UBE2E1: variants seen among roughly 807,000 people sequenced by gnomAD.
UBE2E1 encodes ubiquitin-conjugating enzyme E2 E1.
Under a neutral mutation model 21.4 loss-of-function variants are expected in UBE2E1, and 6 were observed. The ratio of observed to expected loss-of-function variants is 0.28; its 90% CI spans 0.15 to 0.55. The LOEUF (loss-of-function observed/expected upper bound fraction) is 0.55. UBE2E1 is among the 20% of genes least tolerant of loss of function. UBE2E1 has a pLI of 0.93. For synonymous variants in UBE2E1, 87 were observed against 82.7 expected, an observed-to-expected ratio of 1.05 and a Z score of -0.28; for missense variants, 142 against 236.5, an observed-to-expected ratio of 0.60 and a Z score of 2.62.
chr3:23,888,239 C>T (rs893033370), intron 4 of UBE2E1: 1 of 457,034 alleles, frequency 2.2e-6, no homozygotes, highest in African/African-American at 2.0e-5. Context: ...TACCTCCAGG[C>T]CTCAGTTTTC....
chr3:23,835,931 G>A (rs935540859), intron 3 of UBE2E1, among the ~76,000 whole-genome samples: 3 of 152,190 alleles, frequency 2.0e-5, no homozygotes, highest in Admixed American at 2.0e-4. Flanking sequence ...GGCAGGGAGG[G>A]AAAGTTAGCA....
chr3:23,865,943 T>C (rs1700646832), intron 3 of UBE2E1, among the ~76,000 whole-genome samples: 1 of 152,098 alleles, frequency 6.6e-6, no homozygotes. Flanking sequence ...CATCTAGCCT[T>C]TTGAAAGCTA....
At chr3:23,880,788 G>C (rs971621483) in intron 3 of UBE2E1, among the ~76,000 whole-genome samples, 2 of 152,180 alleles carry the variant, frequency 1.3e-5, no homozygotes, top group African/African-American at 4.8e-5. Context: ...AGTTACCCTG[G>C]AAGATTTTAA....
intron 3 of UBE2E1, chr3:23,879,623 A>G (rs4858553): frequency 0.77 from 164,311 of 214,094 alleles, 63,696 homozygotes; most frequent in African/African-American, 0.86. Flanking sequence ...GTCTGTCCTA[A>G]CATCTGGGGA....
chr3:23,886,680 G>C (rs1013716297), intron 3 of UBE2E1, among the ~76,000 whole-genome samples: 3 of 152,164 alleles, frequency 2.0e-5, no homozygotes, highest in African/African-American at 7.2e-5. Flanking sequence ...GAAGGCATCA[G>C]ACTTTGTAAC....
chr3:23,815,087 C>T (rs1699486088), intron 3 of UBE2E1, among the ~76,000 whole-genome samples: 1 of 152,106 alleles, frequency 6.6e-6, no homozygotes, highest in African/African-American at 2.4e-5. Context: ...CTTAAGCTGT[C>T]CTCCTGCTTC....
intron 3 of UBE2E1, among the ~76,000 whole-genome samples, chr3:23,846,823 C>G (rs571985118): frequency 3.3e-4 from 50 of 150,012 alleles, no homozygotes; most frequent in African/African-American, 1.1e-3. Flanking sequence ...CATAGAGAAA[C>G]AGTCTTTTTA....
In UBE2E1 at chr3:23,889,525, C is replaced by T. The variant is rs1701296251; in HGVS notation, c.484+266C>T. The T allele has an allele frequency of 3.6e-6, 5 of 1,380,716 alleles. No homozygotes were observed. In the Admixed American group the frequency reaches 1.1e-4, roughly 29 times the overall value. 85.5% of individuals were successfully genotyped at this position (1,380,716 alleles called of 1,614,324 possible). On this transcript the variant is annotated intron_variant, in intron 5 of 5. Transcript: ENST00000306627. ...GGGCTTTTAGTTTCAATTATTCTTC[C>T]TCCTTTTTTTTTCCTGTTGCTTAAT...
At chr3:23,871,806 AGATGGGATG>A (rs1413156872) in intron 3 of UBE2E1, among the ~76,000 whole-genome samples, 1 of 149,900 alleles carries the variant, frequency 6.7e-6, no homozygotes, top group Non-Finnish European at 1.5e-5. Context: ...CTCACTTCCT[AGATGGGATG>A]GCGGCCGGGA....
chr3:23,857,472 A>G (rs1453891981), intron 3 of UBE2E1, among the ~76,000 whole-genome samples: 1 of 152,214 alleles, frequency 6.6e-6, no homozygotes, highest in East Asian at 1.9e-4. Flanking sequence ...AAGTCCTTAT[A>G]AAGAACACAT....
chr3:23,877,544 C>A (rs903019560), intron 3 of UBE2E1, among the ~76,000 whole-genome samples: 1 of 152,140 alleles, frequency 6.6e-6, no homozygotes, highest in African/African-American at 2.4e-5. Flanking sequence ...ACCTCCCTCC[C>A]GTTTGTGGCA....
rs188917296 is a variant in UBE2E1 at position 23,824,304 on chromosome 3, C to T, written c.203+12794C>T. On this transcript the variant is annotated intron_variant, in intron 3 of 5. Transcript: ENST00000306627. The stretch of plus-strand genomic sequence containing the variant: ...GATGCTCCCTTCTCTGTCTCTGTGT[C>T]CTGTTTATTGTGAGGTGTATATTGA... 3.8e-3 allele frequency among the ~76,000 whole-genome samples: 584 copies of T among 152,090 alleles called. 4 individuals carry two copies. Among genetic ancestry groups the T allele is most frequent in the Non-Finnish European group, 6.1e-3 (414 of 67,996 alleles).
intron 3 of UBE2E1, 57 bp downstream of exon 3, chr3:23,811,567 G>C (rs986207894): frequency 7.8e-6 from 12 of 1,538,840 alleles, no homozygotes; most frequent in Non-Finnish European, 9.8e-6. Flanking sequence ...TTTGTCTTGG[G>C]TTTTTCTTTT....
chr3:23,887,633 G>A lies in UBE2E1; in HGVS notation c.270G>A (p.Val90=), dbSNP rs752587182. The change falls in exon 4 of 6, where the codon GTG becomes GTA. Residue 90 remains valine (V), a synonymous_variant. Coordinates refer to ENST00000306627, the MANE Select transcript of UBE2E1 (RefSeq NM_003341.5). The surrounding 1 kb of genome is among the most constrained non-coding windows in gnomAD (Gnocchi z 4.4). ...CCATTCTAGGGCCTCCAGGATCCGT[G>A]TATGAGGGTGGTGTATTCTTTCTCG... The part of the protein sequence containing the change: ...RSTILGPPGS[V]YEGGVFFLDI... 3.8e-5 allele frequency: 61 copies of A among 1,613,996 alleles called. No individual in the cohort carries two copies. Among genetic ancestry groups the A allele is most frequent in the Non-Finnish European group, 4.9e-5 (58 of 1,180,018 alleles).
rs1414752888 is a variant in UBE2E1, at chr3:23,890,973, T to C, written c.*367T>C. On this transcript the variant is annotated 3_prime_UTR_variant, in exon 6 of 6. Coordinates refer to ENST00000306627, the MANE Select transcript of UBE2E1 (RefSeq NM_003341.5). ...AAGTCCCTCTAAGACTACATACTTT[T>C]TGTTTAAAACAAAATTGGAATTTGT... is the stretch of plus-strand genomic sequence containing the variant. 6.3e-6 allele frequency: 1 copy of C among 158,416 alleles called. No homozygotes were observed. The highest frequency in any genetic ancestry group is 1.4e-5 in the Non-Finnish European group (1 of 72,052). 9.8% of individuals were successfully genotyped at this position (158,416 alleles called of 1,614,324 possible). A position where few individuals can be genotyped will look rare whatever the true frequency, so the allele number is the denominator to read the frequency against.
At chr3:23,850,924 A>C (rs1017975662) in intron 3 of UBE2E1, among the ~76,000 whole-genome samples, 2 of 148,412 alleles carry the variant, frequency 1.3e-5, no homozygotes, top group African/African-American at 5.0e-5. Flanking sequence ...GGGCCCAAGC[A>C]GTTTACCTGC....
At position 23,870,350 on chromosome 3, in the gene UBE2E1, C is replaced by A. The variant is rs1700757945; in HGVS notation, c.204-17217C>A. 6.6e-6 allele frequency among the ~76,000 whole-genome samples: 1 copy of A among 152,152 alleles called. No individual in the cohort carries two copies. Among genetic ancestry groups the A allele is most frequent in the South Asian group, 2.1e-4 (1 of 4,834 alleles). ...ACTTTAGACTTAAATATCACCAGCCCATATTCAGAGGGAGGGGAATTAGAC... is the reference window on the plus strand; with the variant it reads ...ACTTTAGACTTAAATATCACCAGCCAATATTCAGAGGGAGGGGAATTAGAC... On this transcript the variant is annotated intron_variant, in intron 3 of 5. Coordinates refer to ENST00000306627, the MANE Select transcript of UBE2E1 (RefSeq NM_003341.5). The surrounding 1 kb of genome is among the most constrained non-coding windows in gnomAD (Gnocchi z 4.2).
chr3:23,826,960 T>C (rs1323657932), intron 3 of UBE2E1, among the ~76,000 whole-genome samples: 2 of 152,150 alleles, frequency 1.3e-5, no homozygotes, highest in Non-Finnish European at 2.9e-5. Context: ...TGATAAGAAA[T>C]TACATGATTT....
At chr3:23,864,319 G>A (rs1258418825) in intron 3 of UBE2E1, among the ~76,000 whole-genome samples, 1 of 151,618 alleles carries the variant, frequency 6.6e-6, no homozygotes. Context: ...CCAATGTACT[G>A]TGCCTTTTCA....
Sources: gnomAD v4.1 joint callset for allele counts (sites outside exome capture counted in the v4.1 genomes callset) on GRCh38, gnomAD v4.1.1 for gene constraint, Gnocchi (gnomAD v3.1) non-coding constraint, MANE v1.5 for transcripts, NCBI Gene and HGNC (gene_info 2026-07-23, HGNC 2026-07-21) for gene names.